CARS2: variants seen among roughly 807,000 people sequenced by gnomAD.
CARS2 encodes cysteinyl-tRNA synthetase 2, mitochondrial.
CARS2 carries 52 observed loss-of-function variants against 68.8 expected under a neutral mutation model. That is an observed-to-expected ratio of 0.76 (90% CI 0.61 to 0.95). The LOEUF (loss-of-function observed/expected upper bound fraction) is 0.95. Ranked by LOEUF, CARS2 falls within the 40% of genes least tolerant of loss-of-function variation. CARS2 has a pLI of 0.00. For missense variants in CARS2, 780 were observed against 754.2 expected (o/e 1.03, Z -0.40); for synonymous variants, 314 against 303.6 (o/e 1.03, Z -0.36).
intron 10 of CARS2, among the ~76,000 whole-genome samples, 154 bp from the exon 11 acceptor site, chr13:110,647,393 C>T (rs1888288571): frequency 1.3e-5 from 2 of 152,342 alleles, no homozygotes; most frequent in East Asian, 3.9e-4. Flanking sequence ...ACCGCGAGTC[C>T]CTAGGCCCAC....
chr13:110,671,056 G>T (rs1200217341), intron 7 of CARS2, among the ~76,000 whole-genome samples: 1 of 152,040 alleles, frequency 6.6e-6, no homozygotes, highest in Non-Finnish European at 1.5e-5. Context: ...GAGAAATATG[G>T]GACTATGTGA....
intron 12 of CARS2, chr13:110,644,754 C>T (rs147603059): frequency 1.2e-5 from 5 of 405,502 alleles, no homozygotes; most frequent in East Asian, 4.5e-5. Flanking sequence ...GAAGCATGAC[C>T]GTGGAGTATG....
chr13:110,712,653 G>A (rs766769247), intron 1 of CARS2: 2 of 607,144 alleles, frequency 3.3e-6, no homozygotes, highest in East Asian at 3.2e-5. Context: ...GGGGAGGGCG[G>A]TCCGGGGAGC....
intron 7 of CARS2, among the ~76,000 whole-genome samples, chr13:110,671,361 AT>A (rs2062798733): frequency 6.6e-6 from 1 of 152,228 alleles, no homozygotes; most frequent in South Asian, 2.1e-4. Flanking sequence ...CTAACAGCAG[AT>A]CTCCTGGCAG....
rs1205875802 is a variant in CARS2 at position 110,665,185 on chromosome 13, G to A, written c.920-1667C>T. ...TTTCCCACCACGTGCAGTGGCTCAC[G>A]CCTATAATCCCAGCACTTTGGGAGG... On this transcript the variant is annotated intron_variant, in intron 8 of 14. Coordinates refer to ENST00000257347, the MANE Select transcript of CARS2 (RefSeq NM_024537.4). This position sits in a 1 kb window ranked among gnomAD's most constrained non-coding sequence, Gnocchi z 4.3. 1.8e-5 allele frequency: 18 copies of A among 983,158 alleles called. No homozygotes were observed. The East Asian group carries it at 1.2e-3, about 68-fold the overall frequency. 60.9% of individuals were successfully genotyped at this position (983,158 alleles called of 1,614,324 possible).
At chr13:110,695,001 T>C (rs912922024) in intron 3 of CARS2, among the ~76,000 whole-genome samples, 1 of 152,130 alleles carries the variant, frequency 6.6e-6, no homozygotes, top group African/African-American at 2.4e-5. Flanking sequence ...TAAGAAATAA[T>C]GCCAGGCACA....
At chr13:110,645,606 T>A (rs1486413253) in intron 12 of CARS2, 1 of 186,348 alleles carries the variant, frequency 5.4e-6, no homozygotes, top group African/African-American at 2.4e-5. Context: ...TAACAGTGCC[T>A]TGGGGTAAAT....
chr13:110,655,945 A>G (rs1357401264), intron 9 of CARS2, among the ~76,000 whole-genome samples: 1 of 152,242 alleles, frequency 6.6e-6, no homozygotes, highest in Non-Finnish European at 1.5e-5. Context: ...GCTCCAGGCC[A>G]GCCTTCTCCA....
In CARS2 at chr13:110,663,943, G is replaced by C. The variant is rs938853747; in HGVS notation, c.920-425C>G. 3.0e-6 allele frequency: 3 copies of C among 993,906 alleles called. No individual in the cohort carries two copies. The African/African-American group carries it at 5.2e-5, about 17-fold the overall frequency. 61.6% of individuals were successfully genotyped at this position (993,906 alleles called of 1,614,324 possible). Reference sequence around the variant, plus strand: ...TTGGCGGTGAAGCTTGTTGACCGTTGTCCAAAAACAGAGTGGCACTTGTGG... The same window carrying C: ...TTGGCGGTGAAGCTTGTTGACCGTTCTCCAAAAACAGAGTGGCACTTGTGG... On this transcript the variant is annotated intron_variant, in intron 8 of 14. Transcript: ENST00000257347.
chr13:110,644,207 C>A (rs1460595433), intron 13 of CARS2, 178 bp downstream of exon 13: 1 of 1,452,154 alleles, frequency 6.9e-7, no homozygotes, highest in East Asian at 2.6e-5. Context: ...TTGTGCAATT[C>A]CAATTAATAA....
chr13:110,679,780 A>T (rs894156906), intron 6 of CARS2, among the ~76,000 whole-genome samples: 1 of 152,108 alleles, frequency 6.6e-6, no homozygotes, highest in Non-Finnish European at 1.5e-5. Flanking sequence ...ACCATATCAG[A>T]TAGACAGCCA....
rs776254291 is a variant in CARS2 at position 110,705,870 on chromosome 13, C to A, written c.224G>T (p.Trp75Leu). ...LIVAHAEAAS[W>L]YSCGPTVYDH... ...CGTGCCCCAGTCCCGCGCGGCCCAC[C>A]AGGAGGCGGCTTCGGCGTGCGCCAC... is the stretch of plus-strand genomic sequence containing the variant. Residue 75 changes from tryptophan (W) to leucine (L), a missense_variant and splice_region_variant, in exon 1 of 15, where the codon TGG (tryptophan) becomes TTG (leucine). Coordinates refer to ENST00000257347, the MANE Select transcript of CARS2 (RefSeq NM_024537.4). This position sits in a 1 kb window ranked among gnomAD's most constrained non-coding sequence, Gnocchi z 4.0. The A allele has an allele frequency of 1.9e-6, 3 of 1,556,956 alleles. No individual in the cohort carries two copies. In the South Asian group the frequency reaches 3.5e-5, roughly 18 times the overall value.
upstream of CARS2, among the ~76,000 whole-genome samples, chr13:110,708,075 CCT>C (rs1159022335): frequency 6.6e-6 from 1 of 152,092 alleles, no homozygotes; most frequent in African/African-American, 2.4e-5. Context: ...TATTTATCTC[CCT>C]GAGTATCTTA....
chr13:110,650,718 G>A (rs2062183837), intron 10 of CARS2: 1 of 316,424 alleles, frequency 3.2e-6, no homozygotes. Flanking sequence ...TGCCAGGCTG[G>A]CCCCTTCCAA....
intron 3 of CARS2, among the ~76,000 whole-genome samples, chr13:110,696,755 A>G (rs1159167047): frequency 6.6e-6 from 1 of 152,204 alleles, no homozygotes; most frequent in Non-Finnish European, 1.5e-5. Context: ...AACATTTTTA[A>G]AAAAGTTAAC....
intron 8 of CARS2, chr13:110,666,947 G>A: frequency 1.0e-6 from 1 of 985,458 alleles, no homozygotes; most frequent in Non-Finnish European, 1.2e-6. Context: ...CATCAGTTAG[G>A]TGTTTGAACA....
intron 3 of CARS2, among the ~76,000 whole-genome samples, chr13:110,700,397 C>T (rs1034839933): frequency 2.6e-5 from 4 of 152,176 alleles, no homozygotes; most frequent in Admixed American, 6.5e-5. Context: ...GAGGGCTGTG[C>T]GGGCCTCGAG....
chr13:110,698,011 AGTT>A (rs1198563090), intron 3 of CARS2: 8 of 454,052 alleles, frequency 1.8e-5, no homozygotes, highest in Non-Finnish European at 3.5e-5. Flanking sequence ...CAAATGACAA[AGTT>A]CAGCCTCTTT....
At chr13:110,674,078 A>G (rs75588151) in intron 7 of CARS2, among the ~76,000 whole-genome samples, 117,817 of 152,000 alleles carry the variant, frequency 0.78, 46,387 homozygotes, top group Middle Eastern at 0.85. Context: ...AACAAATGGA[A>G]GAACATTCCA....
Sources: allele counts gnomAD v4.1 joint callset (sites outside exome capture counted in the v4.1 genomes callset), GRCh38; gene constraint gnomAD v4.1.1; non-coding constraint Gnocchi (gnomAD v3.1); transcripts MANE v1.5; gene names NCBI Gene and HGNC (gene_info 2026-07-23, HGNC 2026-07-21).